The following EEPD1 variants were observed in gnomAD, a reference collection of about 807,000 sequenced individuals.
EEPD1 encodes the protein endonuclease/exonuclease/phosphatase family domain containing 1.
Under a neutral mutation model 46.3 loss-of-function variants are expected in EEPD1, and 17 were observed. That is an observed-to-expected ratio of 0.37 (90% confidence interval 0.25 to 0.55). The LOEUF (loss-of-function observed/expected upper bound fraction) is 0.55, where lower values mean the gene tolerates loss of function less well. Ranked by LOEUF, EEPD1 falls within the 20% of genes least tolerant of loss-of-function variation. EEPD1 has a pLI of 0.83. For synonymous variants in EEPD1, 313 were observed against 315.6 expected, an observed-to-expected ratio of 0.99 and a Z score of 0.09; for missense variants, 673 against 745.6, an observed-to-expected ratio of 0.90 and a Z score of 1.13.
At chr7:36,287,962 C>T (rs1220874833) in intron 6 of EEPD1, among the ~76,000 whole-genome samples, 185 bp downstream of exon 6, 1 of 152,204 alleles carries the variant, frequency 6.6e-6, no homozygotes, top group Non-Finnish European at 1.5e-5. Context: ...ACATCTGTGC[C>T]TCTGTGGACC....
At chr7:36,246,940 A>G (rs1397358948) in intron 3 of EEPD1, among the ~76,000 whole-genome samples, 1 of 152,104 alleles carries the variant, frequency 6.6e-6, no homozygotes, top group African/African-American at 2.4e-5. Context: ...AGCCTGGCCG[A>G]TATGGTGAAA....
intron 3 of EEPD1, among the ~76,000 whole-genome samples, chr7:36,277,808 A>C (rs945088530): frequency 6.6e-6 from 1 of 152,168 alleles, no homozygotes; most frequent in African/African-American, 2.4e-5. Context: ...ATACTGAAGA[A>C]GAAGGCAGAG....
chr7:36,163,023 A>T (rs1428904043), intron 2 of EEPD1, among the ~76,000 whole-genome samples: 1 of 152,176 alleles, frequency 6.6e-6, no homozygotes, highest in Admixed American at 6.5e-5. Context: ...GTTGTTTTTT[A>T]AAAAATATCT....
Position 36,284,709 on chromosome 7 carries a change from A to G in EEPD1, c.1065A>G (p.Leu355=), listed in dbSNP as rs780708131. The change falls in exon 5 of 8, where the codon CTA becomes CTG. Residue 355 remains leucine (L), a synonymous_variant. Transcript: ENST00000242108. The stretch of plus-strand genomic sequence containing the variant: ...AGGGAGCTGGGTATGCAGGATTCCT[A>G]TGGGACGCGGCTGCCGGCATGGAGC... ...LQKGAGYAGF[L]WDAAAGMELR... The G allele has an allele frequency of 4.3e-6, 7 of 1,611,978 alleles. No individual in the cohort carries two copies. The highest frequency in any genetic ancestry group is 3.4e-6 in the Non-Finnish European group (4 of 1,179,114).
chr7:36,167,715 A>G (rs1785009808), intron 2 of EEPD1, among the ~76,000 whole-genome samples: 1 of 151,450 alleles, frequency 6.6e-6, no homozygotes, highest in African/African-American at 2.4e-5. Flanking sequence ...AGTGCCCTTT[A>G]TTATTATTAT....
chr7:36,168,492 C>T (rs560305588), intron 2 of EEPD1, among the ~76,000 whole-genome samples: 5 of 152,132 alleles, frequency 3.3e-5, no homozygotes, highest in African/African-American at 1.2e-4. Context: ...CGGTGGCTCA[C>T]GCCTGTAATC....
At chr7:36,166,718 A>C (rs1298225246) in intron 2 of EEPD1, among the ~76,000 whole-genome samples, 1 of 152,226 alleles carries the variant, frequency 6.6e-6, no homozygotes, top group African/African-American at 2.4e-5. Context: ...ATTTTGATTG[A>C]TTAATTCTGT....
chr7:36,297,180 T>G lies in EEPD1; in HGVS notation c.1503T>G (p.Val501=). The change falls in exon 7 of 8, where the codon GTT becomes GTG. Residue 501 remains valine (V), a synonymous_variant. Coordinates refer to ENST00000242108, the MANE Select transcript of EEPD1 (RefSeq NM_030636.3). ...GGATCAGTAAAAGCTTAAAGAAGGT[T>G]TTCACAGGTGAGGCAGAACTCACTT... ...NIWISKSLKK[V]FTGHWAVVRE... is the part of the protein sequence containing the mutation. The G allele has an allele frequency of 6.2e-7, 1 of 1,614,042 alleles. No individual in the cohort carries two copies. Among genetic ancestry groups the G allele is most frequent in the African/African-American group, 1.3e-5 (1 of 75,036 alleles).
intron 3 of EEPD1, among the ~76,000 whole-genome samples, chr7:36,243,266 T>A (rs1786585419): frequency 6.6e-6 from 1 of 151,432 alleles, no homozygotes; most frequent in South Asian, 2.1e-4. Context: ...TCAGAAAGAA[T>A]CTATGAGTTG....
chr7:36,285,965 G>A (rs148290245), intron 5 of EEPD1, among the ~76,000 whole-genome samples: 1 of 152,266 alleles, frequency 6.6e-6, no homozygotes, highest in East Asian at 1.9e-4. Flanking sequence ...ACACCTGGGG[G>A]TGTCCATGGG....
chr7:36,277,066 G>T (rs1787192733), intron 3 of EEPD1, among the ~76,000 whole-genome samples: 2 of 152,260 alleles, frequency 1.3e-5, no homozygotes, highest in Non-Finnish European at 2.9e-5. Context: ...ACAATTGAAG[G>T]TGGAGTTCAG....
At position 36,171,816 on chromosome 7, in the gene EEPD1, G is replaced by A. The variant is rs1347235475; in HGVS notation, c.878+16614G>A. Among the ~76,000 whole-genome samples the A allele has an allele frequency of 4.6e-5, 7 of 152,272 alleles. No individual in the cohort carries two copies. In the East Asian group the frequency reaches 1.2e-3, roughly 25 times the overall value. On this transcript the variant is annotated intron_variant, in intron 2 of 7. Coordinates refer to ENST00000242108, the MANE Select transcript of EEPD1 (RefSeq NM_030636.3). Reference sequence around the variant, plus strand: ...TAGTTAGTTTCAGCCAAGCTTGTTGGTAGCTGGCATCTGATTCAGTTTCAA... The same window carrying A: ...TAGTTAGTTTCAGCCAAGCTTGTTGATAGCTGGCATCTGATTCAGTTTCAA...
chr7:36,296,694 C>CTTT (rs60706978), intron 6 of EEPD1, among the ~76,000 whole-genome samples: 1,659 of 82,942 alleles, frequency 0.02, 56 homozygotes, highest in African/African-American at 0.041. Context: ...ACCCTTAGGT[C>CTTT]TTTTTTTTTT....
intron 2 of EEPD1, among the ~76,000 whole-genome samples, chr7:36,238,190 C>T (rs991412424): frequency 2.6e-5 from 4 of 152,104 alleles, no homozygotes; most frequent in Non-Finnish European, 5.9e-5. Flanking sequence ...ATGTAATGAG[C>T]AGTGAGAGTG....
At chr7:36,242,491 C>T (rs941407826) in intron 3 of EEPD1, among the ~76,000 whole-genome samples, 1 of 152,164 alleles carries the variant, frequency 6.6e-6, no homozygotes, top group Non-Finnish European at 1.5e-5. Context: ...ATTTGTTGAG[C>T]TTCCAGTGTG....
intron 2 of EEPD1, among the ~76,000 whole-genome samples, chr7:36,173,249 G>A (rs1456267930): frequency 6.6e-6 from 1 of 150,748 alleles, no homozygotes; most frequent in African/African-American, 2.4e-5. Context: ...AGCACTTTGG[G>A]AGGCCAAGGG....
At chr7:36,224,456 A>T (rs1786197831) in intron 2 of EEPD1, among the ~76,000 whole-genome samples, 1 of 152,184 alleles carries the variant, frequency 6.6e-6, no homozygotes, top group Non-Finnish European at 1.5e-5. Flanking sequence ...GGCTGTGGAA[A>T]AGTCCTGCAG....
chr7:36,279,142 T>A (rs1275417199), intron 3 of EEPD1, among the ~76,000 whole-genome samples: 1 of 144,164 alleles, frequency 6.9e-6, no homozygotes, highest in Non-Finnish European at 1.5e-5. Flanking sequence ...TTTGTCATGC[T>A]GTCATGCACA....
intron 2 of EEPD1, among the ~76,000 whole-genome samples, chr7:36,221,829 A>T (rs948023208): frequency 6.6e-5 from 10 of 152,230 alleles, no homozygotes; most frequent in African/African-American, 2.4e-4. Context: ...TTTTCTAAAT[A>T]GCTGCAGTCA....
Sources: allele counts gnomAD v4.1 joint callset (sites outside exome capture counted in the v4.1 genomes callset), GRCh38; gene constraint gnomAD v4.1.1; transcripts MANE v1.5; gene names NCBI Gene and HGNC (gene_info 2026-07-23, HGNC 2026-07-21).